The following NRG3 variants were observed in gnomAD, a reference collection of about 807,000 sequenced individuals.
NRG3 encodes the protein neuregulin 3.
A neutral mutation model predicts 66.9 loss-of-function variants in NRG3; 31 were observed. That is an observed-to-expected ratio of 0.46 (90% CI 0.35 to 0.63). The LOEUF (loss-of-function observed/expected upper bound fraction) is 0.63, where lower values mean the gene tolerates loss of function less well. NRG3 is among the 20% of genes least tolerant of loss of function. The pLI, the probability that NRG3 is intolerant of heterozygous loss-of-function variation, is 0.00. For missense variants in NRG3, 910 were observed against 878.9 expected, an observed-to-expected ratio of 1.04 and a Z score of -0.45; for synonymous variants, 393 against 359.4, an observed-to-expected ratio of 1.09 and a Z score of -1.06.
At chr10:82,794,944 C>A (rs1445216100) in intron 3 of NRG3, among the ~76,000 whole-genome samples, 1 of 152,162 alleles carries the variant, frequency 6.6e-6, no homozygotes, top group Non-Finnish European at 1.5e-5. Context: ...AACCTCTCTC[C>A]CCACCAAAAG....
In NRG3 at chr10:82,066,048, A is replaced by T. The variant is rs188089441; in HGVS notation, c.823+189885A>T. On this transcript the variant is annotated intron_variant, in intron 1 of 8. Transcript: ENST00000372141. ...ATCATTTTAACATTATAATCATTAGAAGAAATGAACGTGAACTAAAATGTA... is the reference window on the plus strand; with the variant it reads ...ATCATTTTAACATTATAATCATTAGTAGAAATGAACGTGAACTAAAATGTA... Among the ~76,000 whole-genome samples, 582 of 152,284 alleles carry T rather than the reference A, an allele frequency of 3.8e-3. 2 individuals carry two copies. The highest frequency in any genetic ancestry group is 6.1e-3 in the Non-Finnish European group (414 of 68,006).
At chr10:82,630,543 TG>T (rs994899561) in intron 2 of NRG3, among the ~76,000 whole-genome samples, 4 of 151,990 alleles carry the variant, frequency 2.6e-5, no homozygotes, top group African/African-American at 9.7e-5. Flanking sequence ...CCGGACGTGG[TG>T]GTGGGCATCT....
At chr10:82,156,276 T>A (rs1201220262) in intron 1 of NRG3, among the ~76,000 whole-genome samples, 5 of 151,336 alleles carry the variant, frequency 3.3e-5, no homozygotes. Context: ...TCACAAACAC[T>A]CATTGTGTTC....
Position 82,220,186 on chromosome 10 carries a change from C to CTG in NRG3, c.824-138529_824-138528dup, listed in dbSNP as rs60708384. Among the ~76,000 whole-genome samples the CTG allele has an allele frequency of 6.7e-3, 1,007 of 149,910 alleles. 6 individuals carry two copies. Among genetic ancestry groups the CTG allele is most frequent in the African/African-American group, 0.014 (584 of 41,186 alleles). Reference sequence around the variant, plus strand: ...TCAATCATGTGGGCATGTATCTTTACTGTGTGTGTGTGTGTGTGTGTGTGT... The same window carrying CTG: ...TCAATCATGTGGGCATGTATCTTTACTGTGTGTGTGTGTGTGTGTGTGTGTGT... On this transcript the variant is annotated intron_variant, in intron 1 of 8. Coordinates refer to ENST00000372141, the MANE Select transcript of NRG3 (RefSeq NM_001010848.4).
At chr10:82,593,880 G>A (rs1038059182) in intron 2 of NRG3, among the ~76,000 whole-genome samples, 2 of 151,534 alleles carry the variant, frequency 1.3e-5, no homozygotes, top group African/African-American at 4.8e-5. Context: ...TTTTAGTACT[G>A]ATGATTCTAT....
intron 3 of NRG3, among the ~76,000 whole-genome samples, chr10:82,865,116 T>C (rs1840581065): frequency 6.6e-6 from 1 of 152,212 alleles, no homozygotes; most frequent in Non-Finnish European, 1.5e-5. Flanking sequence ...AATTTTTCTT[T>C]TTCTTTCTTA....
intron 4 of NRG3, among the ~76,000 whole-genome samples, chr10:82,948,725 G>A (rs1024393121): frequency 1.3e-5 from 2 of 151,980 alleles, no homozygotes; most frequent in Non-Finnish European, 2.9e-5. Flanking sequence ...GTAAAATGAT[G>A]TACATTTATT....
chr10:82,175,850 A>T (rs2072995086), intron 1 of NRG3, among the ~76,000 whole-genome samples: 2 of 152,178 alleles, frequency 1.3e-5, no homozygotes, highest in Non-Finnish European at 2.9e-5. Flanking sequence ...ACCTAATATA[A>T]ATTCTCTAGT....
At chr10:82,045,487 G>A (rs1236676809) in intron 1 of NRG3, among the ~76,000 whole-genome samples, 2 of 58,164 alleles carry the variant, frequency 3.4e-5, no homozygotes, top group Non-Finnish European at 8.2e-5. Flanking sequence ...AGATGAGTAG[G>A]TTGTGAGAAT....
intron 2 of NRG3, among the ~76,000 whole-genome samples, chr10:82,638,007 T>A (rs1449025887): frequency 6.6e-6 from 1 of 152,110 alleles, no homozygotes; most frequent in African/African-American, 2.4e-5. Flanking sequence ...CACTAAAAAA[T>A]TTGCAGGAAA....
At chr10:82,111,208 A>G (rs2067369405) in intron 1 of NRG3, among the ~76,000 whole-genome samples, 2 of 152,170 alleles carry the variant, frequency 1.3e-5, no homozygotes, top group Non-Finnish European at 2.9e-5. Context: ...CTTTATTCAG[A>G]AAGCTTATAC....
chr10:82,375,773 T>C (rs1422217372), intron 2 of NRG3, among the ~76,000 whole-genome samples: 1 of 152,126 alleles, frequency 6.6e-6, no homozygotes, highest in Non-Finnish European at 1.5e-5. Flanking sequence ...ATGGCGTGAT[T>C]GAACATAATT....
intron 2 of NRG3, among the ~76,000 whole-genome samples, chr10:82,633,524 G>A (rs548461196): frequency 1.7e-4 from 26 of 152,162 alleles, no homozygotes; most frequent in Non-Finnish European, 2.9e-4. Context: ...ATGATCTGGA[G>A]GGTGAGAAGA....
At chr10:82,565,355 C>T (rs1381219160) in intron 2 of NRG3, among the ~76,000 whole-genome samples, 2 of 152,038 alleles carry the variant, frequency 1.3e-5, no homozygotes, top group Non-Finnish European at 2.9e-5. Context: ...CCCTGGATTC[C>T]AACACCAAAA....
intron 2 of NRG3, among the ~76,000 whole-genome samples, chr10:82,471,882 T>C (rs927646394): frequency 7.8e-6 from 1 of 128,266 alleles, no homozygotes; most frequent in African/African-American, 2.5e-5. Context: ...AGAGCAAGAC[T>C]CCATCTCGAA....
intron 2 of NRG3, among the ~76,000 whole-genome samples, chr10:82,647,888 T>C (rs1290435745): frequency 2.0e-5 from 3 of 148,934 alleles, no homozygotes; most frequent in Non-Finnish European, 4.5e-5. Context: ...GAGTTCATTG[T>C]AGATTCTGGA....
At chr10:82,407,106 C>T (rs2087581034) in intron 2 of NRG3, among the ~76,000 whole-genome samples, 1 of 61,788 alleles carries the variant, frequency 1.6e-5, no homozygotes, top group Non-Finnish European at 2.8e-5. Flanking sequence ...TTTCCAGTGT[C>T]TTTTATTTTG....
At chr10:82,379,317 G>C (rs906213570) in intron 2 of NRG3, among the ~76,000 whole-genome samples, 1 of 152,020 alleles carries the variant, frequency 6.6e-6, no homozygotes, top group African/African-American at 2.4e-5. Flanking sequence ...ATTAGCCAAC[G>C]CTTGGGGGGA....
chr10:82,010,296 C>G (rs1387060854), intron 1 of NRG3, among the ~76,000 whole-genome samples: 3 of 152,116 alleles, frequency 2.0e-5, no homozygotes, highest in African/African-American at 4.8e-5. Flanking sequence ...AATGAGTACA[C>G]TGTGCTGTTG....
Sources: allele counts gnomAD v4.1 joint callset (sites outside exome capture counted in the v4.1 genomes callset), GRCh38; gene constraint gnomAD v4.1.1; transcripts MANE v1.5; gene names NCBI Gene and HGNC (gene_info 2026-07-23, HGNC 2026-07-21).